The following THADA variants were observed in gnomAD, a reference collection of about 807,000 sequenced individuals.
THADA encodes the protein tRNA (32-2'-O)-methyltransferase regulator THADA.
Under a neutral mutation model 219.8 loss-of-function variants are expected in THADA, and 213 were observed. The ratio of observed to expected loss-of-function variants is 0.97; its 90% CI spans 0.87 to 1.09. The LOEUF (loss-of-function observed/expected upper bound fraction) is 1.09. Among genes scored for constraint, THADA ranks in the 50% least tolerant of loss-of-function variants. The probability of loss-of-function intolerance (pLI) is 0.00; values close to 1 mark genes in which losing one functional copy is unlikely to be tolerated. For missense variants in THADA, 2,956 were observed against 2,311.3 expected (o/e 1.28, Z -5.72); for synonymous variants, 1,018 against 828.9 (o/e 1.23, Z -3.92).
At chr2:43,515,477 T>C (rs1266582851) in intron 22 of THADA, among the ~76,000 whole-genome samples, 1 of 138,862 alleles carries the variant, frequency 7.2e-6, no homozygotes, top group Non-Finnish European at 1.5e-5. Context: ...AAGATAGTTT[T>C]CTGGGAAATT....
At chr2:43,471,613 A>C (rs1255778740) in intron 26 of THADA, among the ~76,000 whole-genome samples, 1 of 152,256 alleles carries the variant, frequency 6.6e-6, no homozygotes, top group Non-Finnish European at 1.5e-5. Context: ...TCTTGTAAAC[A>C]GCAAACACAA....
intron 28 of THADA, among the ~76,000 whole-genome samples, chr2:43,402,955 A>C (rs952656934): frequency 3.9e-5 from 6 of 152,228 alleles, no homozygotes; most frequent in Non-Finnish European, 5.9e-5. Context: ...ACTGCCCCTC[A>C]GGGCACCCAG....
intron 22 of THADA, among the ~76,000 whole-genome samples, chr2:43,525,549 G>A (rs1183510497): frequency 6.6e-6 from 1 of 152,174 alleles, no homozygotes. Flanking sequence ...CCATGCTGGG[G>A]TGAGAGGCTA....
At chr2:43,563,454 A>G (rs917987185) in intron 15 of THADA, 11 of 152,200 alleles carry the variant, frequency 7.2e-5, no homozygotes, top group African/African-American at 2.7e-4. Flanking sequence ...CATCTTGTAC[A>G]TAAATAATCT....
At chr2:43,514,676 A>G in intron 22 of THADA, among the ~76,000 whole-genome samples, 1 of 86,118 alleles carries the variant, frequency 1.2e-5, no homozygotes, top group Non-Finnish European at 2.0e-5. Context: ...AATATATAAT[A>G]TATTATATTA....
chr2:43,373,820 A>G (rs1430528000), intron 29 of THADA, among the ~76,000 whole-genome samples: 2 of 152,228 alleles, frequency 1.3e-5, no homozygotes, highest in Non-Finnish European at 2.9e-5. Flanking sequence ...ATACACCAGG[A>G]AAACTCATTT....
chr2:43,563,311 T>C lies in THADA; in HGVS notation c.2312-2926A>G, dbSNP rs1380788545. The C allele has an allele frequency of 2.0e-5, 3 of 152,348 alleles. No individual in the cohort carries two copies. In the East Asian group the frequency reaches 5.8e-4, roughly 29 times the overall value. 9.4% of individuals were successfully genotyped at this position (152,348 alleles called of 1,614,324 possible). ...CATGATTTATTCTTTTATCCATCAG[T>C]TGTTTAAGAGCTTTTTTCAAATGTG... is the stretch of plus-strand genomic sequence containing the variant. On this transcript the variant is annotated intron_variant, in intron 15 of 37. Transcript: ENST00000405975.
intron 22 of THADA, among the ~76,000 whole-genome samples, chr2:43,518,532 A>G (rs1692016770): frequency 6.6e-6 from 1 of 152,184 alleles, no homozygotes; most frequent in Non-Finnish European, 1.5e-5. Flanking sequence ...AGACCCAAGA[A>G]CAAAACCAAG....
chr2:43,432,862 AG>A (rs1434206857), intron 26 of THADA, among the ~76,000 whole-genome samples: 1 of 152,206 alleles, frequency 6.6e-6, no homozygotes, highest in Non-Finnish European at 1.5e-5. Context: ...CATTTTTAAT[AG>A]GTTGCTTTTC....
chr2:43,557,284 T>G (rs1697490011), intron 16 of THADA, among the ~76,000 whole-genome samples: 2 of 152,202 alleles, frequency 1.3e-5, no homozygotes, highest in Non-Finnish European at 2.9e-5. Context: ...GCTTCTTTCT[T>G]CAGCAAAAGT....
At chr2:43,400,228 A>G (rs1229216753) in intron 28 of THADA, among the ~76,000 whole-genome samples, 1 of 152,074 alleles carries the variant, frequency 6.6e-6, no homozygotes, top group Non-Finnish European at 1.5e-5. Flanking sequence ...GGAAAGGGGG[A>G]AAAGTGCCAG....
At chr2:43,367,180 A>G (rs1670255040) in intron 29 of THADA, among the ~76,000 whole-genome samples, 1 of 152,186 alleles carries the variant, frequency 6.6e-6, no homozygotes, top group Admixed American at 6.5e-5. Flanking sequence ...GGGCTGAGAG[A>G]AAGGAGAAAT....
At chr2:43,308,210 T>C (rs558352567) in intron 31 of THADA, among the ~76,000 whole-genome samples, 1 of 151,860 alleles carries the variant, frequency 6.6e-6, no homozygotes, top group Non-Finnish European at 1.5e-5. Context: ...AAGAGAACAG[T>C]AGTACGTTAT....
At chr2:43,516,408 A>G (rs1691730353) in intron 22 of THADA, among the ~76,000 whole-genome samples, 1 of 152,098 alleles carries the variant, frequency 6.6e-6, no homozygotes, top group African/African-American at 2.4e-5. Context: ...TCCAGTCATA[A>G]TTGGTTTACC....
At chr2:43,304,036 A>T (rs969169116) in intron 31 of THADA, among the ~76,000 whole-genome samples, 2 of 152,144 alleles carry the variant, frequency 1.3e-5, no homozygotes, top group Non-Finnish European at 2.9e-5. Context: ...TGCCATGCTG[A>T]ATGTGTGTAA....
intron 26 of THADA, among the ~76,000 whole-genome samples, chr2:43,483,445 T>G (rs1013123077): frequency 6.6e-6 from 1 of 152,210 alleles, no homozygotes; most frequent in Non-Finnish European, 1.5e-5. Context: ...TATATCTTCA[T>G]GGGTTAAACA....
chr2:43,294,990 G>A (rs1675195610), intron 31 of THADA, among the ~76,000 whole-genome samples: 1 of 152,208 alleles, frequency 6.6e-6, no homozygotes, highest in African/African-American at 2.4e-5. Flanking sequence ...TGGGCGTGGT[G>A]GCTCATGCCT....
chr2:43,293,222 CA>C lies in THADA; in HGVS notation c.4439-10del. 1 of 1,575,212 alleles carries C rather than the reference CA, an allele frequency of 6.3e-7. No individual in the cohort carries two copies. Among genetic ancestry groups the C allele is most frequent in the Non-Finnish European group, 8.6e-7 (1 of 1,162,064 alleles). ...GCCAAGACTCTCCAGAACTAAGAAG[CA>C]AAAAAAGCAAAAGGGAAAGAGATAA... On this transcript the variant is annotated splice_polypyrimidine_tract_variant and intron_variant, in intron 31 of 37. Coordinates refer to ENST00000405975, the MANE Select transcript of THADA (RefSeq NM_022065.5).
chr2:43,430,567 G>A lies in THADA; in HGVS notation c.3837-265C>T, dbSNP rs539429321. On this transcript the variant is annotated intron_variant, in intron 26 of 37. Transcript: ENST00000405975. ...AATATTTGATATTAAATTTTATCAGGGAAGAAATATGTAATCTGTGCCAAT... is the reference window on the plus strand; with the variant it reads ...AATATTTGATATTAAATTTTATCAGAGAAGAAATATGTAATCTGTGCCAAT... 1.2e-4 allele frequency: 58 copies of A among 478,524 alleles called. 4 individuals are homozygous for A. Among genetic ancestry groups the A allele is most frequent in the South Asian group, 9.4e-4 (56 of 59,316 alleles). The allele number at this position is 478,524 out of a possible 1,614,324, so 29.6% of individuals were successfully genotyped here. A position where few individuals can be genotyped will look rare whatever the true frequency, so the allele number is the denominator to read the frequency against.
Sources: allele counts gnomAD v4.1 joint callset (sites outside exome capture counted in the v4.1 genomes callset), GRCh38; gene constraint gnomAD v4.1.1; transcripts MANE v1.5; gene names NCBI Gene and HGNC (gene_info 2026-07-23, HGNC 2026-07-21).